Variants in SNX29 observed in about 807,000 individuals in gnomAD.
SNX29 encodes the protein sorting nexin-29.
Under a neutral mutation model 102.1 loss-of-function variants are expected in SNX29, and 78 were observed. That is an observed-to-expected ratio of 0.76 (90% confidence interval 0.64 to 0.92). The LOEUF is 0.92. Among genes scored for constraint, SNX29 ranks in the 40% least tolerant of loss-of-function variants. The pLI, the probability that SNX29 is intolerant of heterozygous loss-of-function variation, is 0.00. For synonymous variants in SNX29, 580 were observed against 414.5 expected, an observed-to-expected ratio of 1.40 and a Z score of -4.85; for missense variants, 1,280 against 1,061.7, an observed-to-expected ratio of 1.21 and a Z score of -2.86.
At chr16:12,465,182 T>G (rs1423203924) in intron 18 of SNX29, among the ~76,000 whole-genome samples, 1 of 152,194 alleles carries the variant, frequency 6.6e-6, no homozygotes, top group Admixed American at 6.5e-5. Flanking sequence ...TTCTTTTCAT[T>G]TTGTTGTTTC....
At position 12,048,401 on chromosome 16, in the gene SNX29, A is replaced by G. The variant is rs1567562883; in HGVS notation, c.529A>G (p.Ile177Val). 6.2e-7 allele frequency: 1 copy of G among 1,613,738 alleles called. No homozygotes were observed. Among genetic ancestry groups the G allele is most frequent in the South Asian group, 1.1e-5 (1 of 91,064 alleles). ...GLNSILFAIN[I>V]DNKDLNGQSK... ...GAACTCCATACTCTTTGCGATTAAC[A>G]TCGACAACAAGGATTTGAACGGGCA... Residue 177 changes from isoleucine (I) to valine (V), a missense_variant, in exon 7 of 21, where the codon ATC becomes GTC. Transcript: ENST00000566228.
At chr16:12,523,338 T>A (rs2090170456) in intron 19 of SNX29, among the ~76,000 whole-genome samples, 1 of 152,194 alleles carries the variant, frequency 6.6e-6, no homozygotes, top group Non-Finnish European at 1.5e-5. Context: ...AGAACATTCC[T>A]CCTCGTGTTC....
chr16:12,552,480 G>C (rs929683602), intron 20 of SNX29, among the ~76,000 whole-genome samples: 3 of 152,186 alleles, frequency 2.0e-5, no homozygotes, highest in African/African-American at 4.8e-5. Context: ...CCCAACGATT[G>C]GGCCTCAGGA....
intron 15 of SNX29, among the ~76,000 whole-genome samples, chr16:12,355,453 T>A (rs1443160466): frequency 6.6e-6 from 1 of 152,136 alleles, no homozygotes; most frequent in African/African-American, 2.4e-5. Flanking sequence ...GGGTGATCTC[T>A]TGGGAAGGTT....
chr16:12,567,465 A>T (rs2079059158), intron 20 of SNX29, among the ~76,000 whole-genome samples: 1 of 152,214 alleles, frequency 6.6e-6, no homozygotes, highest in South Asian at 2.1e-4. Context: ...GTGTCCCCTT[A>T]TCTAGCAAAA....
At chr16:12,184,729 C>G (rs1157280815) in intron 13 of SNX29, among the ~76,000 whole-genome samples, 2 of 152,202 alleles carry the variant, frequency 1.3e-5, no homozygotes, top group African/African-American at 4.8e-5. Context: ...CCTAGAAATG[C>G]CTTCTGTAGT....
chr16:12,118,822 G>A (rs1348452106), intron 11 of SNX29, among the ~76,000 whole-genome samples: 1 of 152,124 alleles, frequency 6.6e-6, no homozygotes. Context: ...TAGTCACTTC[G>A]AGGCTGCTGT....
chr16:12,443,154 G>A (rs1465119834), intron 18 of SNX29: 3 of 397,684 alleles, frequency 7.5e-6, no homozygotes, highest in South Asian at 1.8e-5. Flanking sequence ...TAGGGCCTGC[G>A]TGGGCTTTCT....
intron 11 of SNX29, among the ~76,000 whole-genome samples, chr16:12,125,216 C>G (rs1018798791): frequency 1.4e-4 from 22 of 152,264 alleles, no homozygotes; most frequent in African/African-American, 5.1e-4. Context: ...CAGGTTCAAG[C>G]CCGTTGAAAG....
At chr16:12,080,801 C>T (rs914548485) in intron 11 of SNX29, among the ~76,000 whole-genome samples, 20 of 151,840 alleles carry the variant, frequency 1.3e-4, no homozygotes, top group African/African-American at 4.4e-4. Flanking sequence ...AAGCGATTCT[C>T]CTGCGTCAGC....
intron 15 of SNX29, among the ~76,000 whole-genome samples, chr16:12,338,846 G>A (rs1596981368): frequency 6.6e-6 from 1 of 152,120 alleles, no homozygotes; most frequent in Non-Finnish European, 1.5e-5. Context: ...TTGATTGAAA[G>A]AGGTTGAAAG....
intron 19 of SNX29, among the ~76,000 whole-genome samples, chr16:12,502,619 T>C (rs1489872849): frequency 6.6e-6 from 1 of 152,194 alleles, no homozygotes; most frequent in African/African-American, 2.4e-5. Flanking sequence ...AGCCTGATCT[T>C]CTAGCCAAGG....
At chr16:12,072,865 A>G (rs943231790) in intron 10 of SNX29, among the ~76,000 whole-genome samples, 1 of 152,130 alleles carries the variant, frequency 6.6e-6, no homozygotes, top group Non-Finnish European at 1.5e-5. Context: ...TGGTCTATTC[A>G]GAGATTCAAC....
chr16:12,200,825 G>A (rs1270018793), intron 14 of SNX29, among the ~76,000 whole-genome samples: 1 of 152,110 alleles, frequency 6.6e-6, no homozygotes, highest in Non-Finnish European at 1.5e-5. Flanking sequence ...CTGAATTCAT[G>A]CTCACCCACG....
intron 19 of SNX29, among the ~76,000 whole-genome samples, chr16:12,513,300 C>T (rs969667277): frequency 4.9e-5 from 7 of 142,822 alleles, no homozygotes; most frequent in African/African-American, 1.6e-4. Context: ...TCCTGCCTTG[C>T]CCTCCTCTCC....
intron 19 of SNX29, among the ~76,000 whole-genome samples, chr16:12,490,356 C>T (rs1373876897): frequency 2.0e-5 from 3 of 152,192 alleles, no homozygotes; most frequent in Admixed American, 6.5e-5. Context: ...TGAGCTTCCT[C>T]CATGTTGTTG....
chr16:12,212,081 G>A (rs139908496), intron 14 of SNX29, among the ~76,000 whole-genome samples: 1 of 152,134 alleles, frequency 6.6e-6, no homozygotes, highest in African/African-American at 2.4e-5. Context: ...TAGGGATAGT[G>A]TATGTTGCCT....
intron 18 of SNX29, among the ~76,000 whole-genome samples, chr16:12,445,399 C>T (rs2086004846): frequency 6.6e-6 from 1 of 152,106 alleles, no homozygotes; most frequent in Non-Finnish European, 1.5e-5. Context: ...CTACGCTGTT[C>T]ATTCTGTACA....
intron 10 of SNX29, among the ~76,000 whole-genome samples, chr16:12,070,933 G>A (rs1596769246): frequency 6.6e-6 from 1 of 152,248 alleles, no homozygotes. Context: ...GCGATGATGA[G>A]CATTTTTTCA....
Sources: gnomAD v4.1 joint callset for allele counts (sites outside exome capture counted in the v4.1 genomes callset) on GRCh38, gnomAD v4.1.1 for gene constraint, MANE v1.5 for transcripts, NCBI Gene and HGNC (gene_info 2026-07-23, HGNC 2026-07-21) for gene names.